CORIN: variants seen among roughly 807,000 people sequenced by gnomAD.
CORIN encodes atrial natriuretic peptide-converting enzyme.
A neutral mutation model predicts 125.3 loss-of-function variants in CORIN; 117 were observed. The ratio of observed to expected loss-of-function variants is 0.93; its 90% CI spans 0.80 to 1.09. The LOEUF is 1.09. Among genes scored for constraint, CORIN ranks in the 50% least tolerant of loss-of-function variants. The pLI, the probability that CORIN is intolerant of heterozygous loss-of-function variation, is 0.00. For synonymous variants in CORIN, 450 were observed against 466.4 expected (o/e 0.96, Z 0.45); for missense variants, 1,253 against 1,306.7 (o/e 0.96, Z 0.63).
chr4:47,628,503 A>C (rs1722677952), intron 16 of CORIN, among the ~76,000 whole-genome samples: 1 of 151,564 alleles, frequency 6.6e-6, no homozygotes, highest in South Asian at 2.1e-4. Flanking sequence ...AATCTTAGCA[A>C]ATTTCAAGTA....
At chr4:47,614,021 T>C (rs1228278427) in intron 19 of CORIN, among the ~76,000 whole-genome samples, 1 of 152,038 alleles carries the variant, frequency 6.6e-6, no homozygotes, top group Non-Finnish European at 1.5e-5. Flanking sequence ...AGCAGGGCTT[T>C]GTCTAAAAAG....
At chr4:47,809,436 G>A (rs775031110) in intron 1 of CORIN, among the ~76,000 whole-genome samples, 10 of 124,518 alleles carry the variant, frequency 8.0e-5, no homozygotes, top group Non-Finnish European at 1.6e-4. Context: ...ATAGAGTCTC[G>A]TTCTGTTGCC....
intron 19 of CORIN, among the ~76,000 whole-genome samples, chr4:47,618,705 GC>G (rs1255456627): frequency 6.6e-6 from 1 of 151,992 alleles, no homozygotes; most frequent in African/African-American, 2.4e-5. Context: ...TGCAGTCCCA[GC>G]TACTCGGGAG....
intron 19 of CORIN, among the ~76,000 whole-genome samples, chr4:47,606,298 G>T (rs1486966099): frequency 2.6e-5 from 4 of 151,950 alleles, no homozygotes; most frequent in Non-Finnish European, 4.4e-5. Context: ...TGTCACCCAG[G>T]TTGGAGTGCA....
At chr4:47,689,094 A>AT (rs1176762483) in intron 6 of CORIN, among the ~76,000 whole-genome samples, 1 of 152,132 alleles carries the variant, frequency 6.6e-6, no homozygotes, top group Non-Finnish European at 1.5e-5. Flanking sequence ...ATCAGCTGAC[A>AT]TTATCAGCTG....
At chr4:47,831,020 G>A (rs373047734) in intron 1 of CORIN, among the ~76,000 whole-genome samples, 83 of 152,290 alleles carry the variant, frequency 5.5e-4, no homozygotes, top group African/African-American at 1.8e-3. Flanking sequence ...TTCGCAACTC[G>A]CCTCTATATT....
intron 6 of CORIN, among the ~76,000 whole-genome samples, chr4:47,684,910 A>G (rs929063015): frequency 6.8e-6 from 1 of 146,838 alleles, no homozygotes; most frequent in Admixed American, 7.0e-5. Context: ...GCGGGAGGTG[A>G]GAGGGCAGGA....
At chr4:47,730,594 G>C (rs1727833240) in intron 5 of CORIN, among the ~76,000 whole-genome samples, 1 of 151,980 alleles carries the variant, frequency 6.6e-6, no homozygotes, top group South Asian at 2.1e-4. Flanking sequence ...CTCTGCACCT[G>C]CCCATCTGCA....
At chr4:47,657,780 C>G (rs1724063019) in intron 12 of CORIN, among the ~76,000 whole-genome samples, 1 of 151,940 alleles carries the variant, frequency 6.6e-6, no homozygotes, top group Non-Finnish European at 1.5e-5. Context: ...CCTGTGAACT[C>G]AGAGTGAGAG....
At chr4:47,598,673 T>C (rs754764268) in intron 21 of CORIN, among the ~76,000 whole-genome samples, 3 of 152,212 alleles carry the variant, frequency 2.0e-5, no homozygotes, top group Non-Finnish European at 2.9e-5. Flanking sequence ...ACTGGTTTCA[T>C]GTCCTCAGTC....
At position 47,680,124 on chromosome 4, in the gene CORIN, G is replaced by A. The variant is rs148686286; in HGVS notation, c.1132+17C>T. ...AAATGGAAAAATAAGCAAAACAAAC[G>A]TCCTCAGAGCACTCACAGCAGTTGA... is the stretch of plus-strand genomic sequence containing the variant. On this transcript the variant is annotated intron_variant, in intron 8 of 21. Coordinates refer to ENST00000273857, the MANE Select transcript of CORIN (RefSeq NM_006587.4). The A allele has an allele frequency of 3.6e-4, 550 of 1,544,988 alleles. 2 individuals are homozygous for A. In the African/African-American group the frequency reaches 5.3e-3, roughly 15 times the overall value.
chr4:47,707,237 C>G (rs562029423), intron 5 of CORIN, among the ~76,000 whole-genome samples: 3 of 151,642 alleles, frequency 2.0e-5, no homozygotes, highest in Non-Finnish European at 2.9e-5. Context: ...AAACATACTG[C>G]GTGGTATAAT....
intron 16 of CORIN, among the ~76,000 whole-genome samples, chr4:47,628,047 G>A (rs945001456): frequency 5.3e-5 from 8 of 152,172 alleles, no homozygotes; most frequent in African/African-American, 1.9e-4. Flanking sequence ...AGGCAATCTA[G>A]ATGGAATTTC....
At chr4:47,755,771 T>TA (rs1436139702) in intron 4 of CORIN, among the ~76,000 whole-genome samples, 3 of 152,196 alleles carry the variant, frequency 2.0e-5, no homozygotes, top group African/African-American at 4.8e-5. Context: ...CAAGTCGCCT[T>TA]AAAGTTTCAA....
chr4:47,764,179 T>G (rs759376340), intron 3 of CORIN, among the ~76,000 whole-genome samples: 10 of 152,200 alleles, frequency 6.6e-5, no homozygotes, highest in African/African-American at 2.4e-4. Flanking sequence ...CATAATATAA[T>G]AAGTAAAAGT....
chr4:47,816,710 C>CTTT (rs781427885), intron 1 of CORIN, among the ~76,000 whole-genome samples: 5 of 152,010 alleles, frequency 3.3e-5, no homozygotes, highest in Non-Finnish European at 7.4e-5. Flanking sequence ...GGAGGGGGGC[C>CTTT]AAAGAGAAGC....
intron 16 of CORIN, among the ~76,000 whole-genome samples, chr4:47,631,570 G>A (rs1049083460): frequency 3.3e-5 from 5 of 152,030 alleles, no homozygotes; most frequent in African/African-American, 4.8e-5. Context: ...ATTATGGTGA[G>A]TAGTATAATG....
chr4:47,626,661 C>G (rs189140366), intron 16 of CORIN, 140 bp from the exon 17 acceptor site: 2 of 689,082 alleles, frequency 2.9e-6, no homozygotes, highest in Admixed American at 2.1e-5. Context: ...TGGACTGTTA[C>G]AAATTGTTAG....
chr4:47,666,353 AG>A (rs760223194), intron 10 of CORIN, among the ~76,000 whole-genome samples: 1 of 152,244 alleles, frequency 6.6e-6, no homozygotes, highest in Non-Finnish European at 1.5e-5. Flanking sequence ...CACCTAGCAC[AG>A]TGCCAGAATG....
Sources: allele counts gnomAD v4.1 joint callset (sites outside exome capture counted in the v4.1 genomes callset), GRCh38; gene constraint gnomAD v4.1.1; transcripts MANE v1.5; gene names NCBI Gene and HGNC (gene_info 2026-07-23, HGNC 2026-07-21).